Variants in FLI1 observed in about 807,000 individuals in gnomAD.
FLI1 encodes Fli-1 proto-oncogene, ETS transcription factor.
In FLI1, 13 loss-of-function variants were observed where a neutral mutation model predicts 53.1. That is an observed-to-expected ratio of 0.24 (90% CI 0.16 to 0.39). The LOEUF is 0.39. Ranked by LOEUF, FLI1 falls within the 10% of genes least tolerant of loss-of-function variation. The pLI is 1.00. For synonymous variants in FLI1, 244 were observed against 236.7 expected (o/e 1.03, Z -0.28); for missense variants, 424 against 600.5 (o/e 0.71, Z 3.07).
chr11:128,707,366 G>A (rs780402619), intron 1 of FLI1, among the ~76,000 whole-genome samples: 5 of 152,124 alleles, frequency 3.3e-5, no homozygotes, highest in Non-Finnish European at 7.4e-5. Flanking sequence ...TCTCAAATAC[G>A]GTCTTTGGTG....
intron 5 of FLI1, among the ~76,000 whole-genome samples, chr11:128,800,657 C>T (rs1942609298): frequency 6.6e-6 from 1 of 152,212 alleles, no homozygotes; most frequent in Non-Finnish European, 1.5e-5. Flanking sequence ...TCATATTTCT[C>T]TACCTCAGGA....
chr11:128,786,588 C>T (rs1391955186), intron 5 of FLI1, among the ~76,000 whole-genome samples: 1 of 152,206 alleles, frequency 6.6e-6, no homozygotes, highest in Non-Finnish European at 1.5e-5. Flanking sequence ...GGGCTACTGA[C>T]TTTCCACACC....
At chr11:128,712,491 G>A (rs1938824301) in intron 1 of FLI1, among the ~76,000 whole-genome samples, 1 of 152,166 alleles carries the variant, frequency 6.6e-6, no homozygotes, top group African/African-American at 2.4e-5. Context: ...TGCTGGTAAA[G>A]ATATACCCGA....
Position 128,694,285 on chromosome 11 carries a change from C to A in FLI1, c.18+9C>A. On this transcript the variant is annotated intron_variant, in intron 1 of 8. Coordinates refer to ENST00000527786, the MANE Select transcript of FLI1 (RefSeq NM_002017.5). ...TGGACGGGACTATTAAGGTAAGCGGCGGGGCAACGGACGCGGGCGGCGGGG... is the reference window on the plus strand; with the variant it reads ...TGGACGGGACTATTAAGGTAAGCGGAGGGGCAACGGACGCGGGCGGCGGGG... 1 of 1,368,612 alleles carries A rather than the reference C, an allele frequency of 7.3e-7. No homozygotes were observed. The highest frequency in any genetic ancestry group is 9.5e-7 in the Non-Finnish European group (1 of 1,049,836). 84.8% of individuals were successfully genotyped at this position (1,368,612 alleles called of 1,614,324 possible). A position where few individuals can be genotyped will look rare whatever the true frequency, so the allele number is the denominator to read the frequency against.
chr11:128,686,626 C>A, exon 1 of FLI1: 1 of 380,508 alleles, frequency 2.6e-6, no homozygotes, highest in Admixed American at 3.1e-5. Flanking sequence ...CCCTCCCAGG[C>A]TGGTTCTTGG....
intron 1 of FLI1, among the ~76,000 whole-genome samples, chr11:128,736,748 T>C (rs1359273480): frequency 6.6e-6 from 1 of 152,232 alleles, no homozygotes; most frequent in Non-Finnish European, 1.5e-5. Context: ...TGTATATGTG[T>C]GTACTTTCTG....
intron 1 of FLI1, among the ~76,000 whole-genome samples, chr11:128,755,844 G>A (rs1052226353): frequency 2.0e-5 from 3 of 152,202 alleles, no homozygotes; most frequent in Non-Finnish European, 4.4e-5. Context: ...ACCATCCAAA[G>A]CCTTCTGGTG....
At chr11:128,752,554 G>A (rs561315322) in intron 1 of FLI1, among the ~76,000 whole-genome samples, 14 of 152,326 alleles carry the variant, frequency 9.2e-5, no homozygotes, top group Non-Finnish European at 1.5e-4. Context: ...TGGTCTAATT[G>A]AGAGGACAGA....
At chr11:128,752,006 C>T (rs2135796788) in intron 1 of FLI1, among the ~76,000 whole-genome samples, 1 of 151,916 alleles carries the variant, frequency 6.6e-6, no homozygotes. Context: ...GACAGAGGCT[C>T]ACTCTATTGC....
intron 1 of FLI1, among the ~76,000 whole-genome samples, chr11:128,699,279 G>A (rs1186600462): frequency 1.3e-5 from 2 of 152,086 alleles, no homozygotes; most frequent in African/African-American, 4.8e-5. Flanking sequence ...TAGGTATATA[G>A]CATTAGTCTA....
chr11:128,799,768 G>T (rs548894320), intron 5 of FLI1, among the ~76,000 whole-genome samples: 217 of 152,272 alleles, frequency 1.4e-3, no homozygotes, highest in African/African-American at 4.9e-3. Context: ...GGGAAGGTTC[G>T]GGCAGTGCAG....
intron 1 of FLI1, among the ~76,000 whole-genome samples, chr11:128,706,085 C>T (rs756800775): frequency 5.3e-5 from 8 of 152,174 alleles, no homozygotes; most frequent in Non-Finnish European, 8.8e-5. Flanking sequence ...TCAAGAGGGA[C>T]GTGGAACACC....
At chr11:128,763,107 A>C (rs1443198303) in intron 2 of FLI1, among the ~76,000 whole-genome samples, 2 of 152,170 alleles carry the variant, frequency 1.3e-5, no homozygotes, top group African/African-American at 4.8e-5. Context: ...TTATGTCTTC[A>C]TGCTCACTGG....
At chr11:128,691,843 AAG>A (rs2135679034), upstream of FLI1, 1 of 152,420 alleles carries the variant, frequency 6.6e-6, no homozygotes, top group East Asian at 1.9e-4. Context: ...AGGAGTTGGA[AAG>A]AGAAACCTAG....
chr11:128,756,727 C>G (rs1940874903), intron 1 of FLI1, among the ~76,000 whole-genome samples: 2 of 152,196 alleles, frequency 1.3e-5, no homozygotes, highest in South Asian at 2.1e-4. Flanking sequence ...TGACTACCAT[C>G]TTCTCTGAAG....
At chr11:128,801,368 T>C (rs1047003049) in intron 5 of FLI1, among the ~76,000 whole-genome samples, 3 of 152,232 alleles carry the variant, frequency 2.0e-5, no homozygotes, top group Non-Finnish European at 4.4e-5. Context: ...TGTGTGTATG[T>C]TGGGGACTAG....
At chr11:128,789,895 G>T (rs1300193692) in intron 5 of FLI1, among the ~76,000 whole-genome samples, 1 of 152,160 alleles carries the variant, frequency 6.6e-6, no homozygotes, top group Non-Finnish European at 1.5e-5. Context: ...GGCCCCACAG[G>T]CCCCATCTAC....
intron 8 of FLI1, among the ~76,000 whole-genome samples, chr11:128,809,524 G>C (rs1296745526): frequency 1.3e-5 from 2 of 152,160 alleles, no homozygotes; most frequent in African/African-American, 4.8e-5. Flanking sequence ...AAGAAAAGAA[G>C]ACAACTCCAC....
At chr11:128,739,128 C>T (rs1332620332) in intron 1 of FLI1, among the ~76,000 whole-genome samples, 1 of 152,128 alleles carries the variant, frequency 6.6e-6, no homozygotes. Context: ...GCTTCAAAGG[C>T]TGAGGGAGAT....
Sources: gnomAD v4.1 joint callset for allele counts (sites outside exome capture counted in the v4.1 genomes callset) on GRCh38, gnomAD v4.1.1 for gene constraint, MANE v1.5 for transcripts, NCBI Gene and HGNC (gene_info 2026-07-23, HGNC 2026-07-21) for gene names.